Variants in IREB2 observed in about 807,000 individuals in gnomAD.
IREB2 encodes iron-responsive element-binding protein 2.
IREB2 carries 39 observed loss-of-function variants against 118.8 expected under a neutral mutation model. The observed-to-expected ratio is 0.33, with a 90% CI of 0.25 to 0.43. IREB2 has a LOEUF of 0.43. Ranked by LOEUF, IREB2 falls within the 20% of genes least tolerant of loss-of-function variation. The pLI is 1.00. For synonymous variants in IREB2, 372 were observed against 392.2 expected, an observed-to-expected ratio of 0.95 and a Z score of 0.61; for missense variants, 900 against 1,147.3, an observed-to-expected ratio of 0.78 and a Z score of 3.11.
At chr15:78,488,074 T>G in intron 14 of IREB2, 106 bp from the exon 15 acceptor site, 1 of 1,019,200 alleles carries the variant, frequency 9.8e-7, no homozygotes, top group Non-Finnish European at 1.4e-6. Flanking sequence ...ATATGTTTTT[T>G]GGTTAATCTC....
chr15:78,438,289 T>G lies in IREB2; in HGVS notation c.-49T>G. On this transcript the variant is annotated 5_prime_UTR_variant, in exon 1 of 22. Coordinates refer to ENST00000258886, the MANE Select transcript of IREB2 (RefSeq NM_004136.4). ...CCGTCTTCCCTGCCCGGCCTCCCCC[T>G]TCTTCCCCCGCTGGCCCCCTCCCCG... 4 of 1,372,664 alleles carry G rather than the reference T, an allele frequency of 2.9e-6. No individual in the cohort carries two copies. The highest frequency in any genetic ancestry group is 3.0e-6 in the Non-Finnish European group (3 of 984,280). The allele number at this position is 1,372,664 out of a possible 1,614,324, so 85.0% of individuals were successfully genotyped here.
Position 78,494,390 on chromosome 15 carries a change from G to A in IREB2, c.2595+126G>A, listed in dbSNP as rs536076227. 1.2e-4 allele frequency: 107 copies of A among 915,314 alleles called. No homozygotes were observed. The African/African-American group carries it at 1.6e-3, about 13-fold the overall frequency. The allele number at this position is 915,314 out of a possible 1,614,324, so 56.7% of individuals were successfully genotyped here. ...TATTTGAACCTTATAGGTATAGAGG[G>A]TTTTGTTTGTTTGTTTATTTCAGTG... On this transcript the variant is annotated intron_variant, in intron 20 of 21. Transcript: ENST00000258886.
At chr15:78,483,283 C>G in intron 10 of IREB2, 35 bp from the exon 11 acceptor site, 3 of 983,516 alleles carry the variant, frequency 3.1e-6, no homozygotes, top group Non-Finnish European at 3.3e-6. Context: ...GGAATTAATT[C>G]TAATTCCTTG....
chr15:78,475,017 T>G (rs2051443360), intron 8 of IREB2: 1 of 131,022 alleles, frequency 7.6e-6, no homozygotes, highest in Admixed American at 9.3e-5. Context: ...ATTGCGCCAC[T>G]GCAGTCCGCA....
At chr15:78,438,186 C>G, upstream of IREB2, 1 of 633,134 alleles carries the variant, frequency 1.6e-6, no homozygotes, top group Non-Finnish European at 2.9e-6. Flanking sequence ...AGACCCGGGG[C>G]TGGCTCTGCT....
At chr15:78,458,836 G>T (rs1366445686) in intron 2 of IREB2, among the ~76,000 whole-genome samples, 1 of 152,170 alleles carries the variant, frequency 6.6e-6, no homozygotes, top group Non-Finnish European at 1.5e-5. Flanking sequence ...TTGAGACAGG[G>T]TCTCACTCCC....
Position 78,485,721 on chromosome 15 carries a change from G to A in IREB2, c.1590G>A (p.Lys530=), listed in dbSNP as rs2141514655. The A allele has an allele frequency of 6.2e-7, 1 of 1,613,460 alleles. No individual in the cohort carries two copies. Among genetic ancestry groups the A allele is most frequent in the Non-Finnish European group, 8.5e-7 (1 of 1,179,720 alleles). Residue 530 remains lysine, a synonymous_variant, in exon 13 of 22, where the codon AAG becomes AAA. Transcript: ENST00000258886. Reference sequence around the variant, plus strand: ...GCTGTGCAGGTCTTTTGGCTAAAAAGGCTGTTGAAGCTGGTCTGCGTGTTA... The same window carrying A: ...GCTGTGCAGGTCTTTTGGCTAAAAAAGCTGTTGAAGCTGGTCTGCGTGTTA... ...VMLAAGLLAK[K]AVEAGLRVKP... is the part of the protein sequence containing the mutation.
rs751847226 is a variant in IREB2 at position 78,478,349 on chromosome 15, A to G, written c.1248A>G (p.Lys416=). 2 of 1,613,796 alleles carry G rather than the reference A, an allele frequency of 1.2e-6. No homozygotes were observed. Among genetic ancestry groups the G allele is most frequent in the South Asian group, 1.1e-5 (1 of 91,048 alleles). ...ESMETYLKAV[K]LFRNDQNSSG... Reference sequence around the variant, plus strand: ...TGGAAACATACCTTAAAGCTGTGAAATTGTTTCGAAATGACCAGAATTCTT... The same window carrying G: ...TGGAAACATACCTTAAAGCTGTGAAGTTGTTTCGAAATGACCAGAATTCTT... The change falls in exon 10 of 22, where the codon AAA becomes AAG. Residue 416 remains lysine (K), a synonymous_variant. Transcript: ENST00000258886.
chr15:78,454,294 G>A (rs1307349931), intron 2 of IREB2, among the ~76,000 whole-genome samples: 1 of 152,162 alleles, frequency 6.6e-6, no homozygotes, highest in African/African-American at 2.4e-5. Context: ...GTCCTGCAGT[G>A]GGTGAATGAA....
At chr15:78,466,619 T>C in intron 5 of IREB2, 130 bp downstream of exon 5, 1 of 641,548 alleles carries the variant, frequency 1.6e-6, no homozygotes, top group Non-Finnish European at 2.7e-6. Context: ...TGAATTTTTA[T>C]ATGTATTTCC....
chr15:78,466,583 G>A, intron 5 of IREB2, 94 bp downstream of exon 5: 1 of 806,336 alleles, frequency 1.2e-6, no homozygotes. Context: ...TTACTATTAT[G>A]TTACCTTCAC....
chr15:78,458,511 A>C (rs1196140617), intron 2 of IREB2, among the ~76,000 whole-genome samples: 1 of 151,934 alleles, frequency 6.6e-6, no homozygotes, highest in Non-Finnish European at 1.5e-5. Context: ...CCTCACCTCA[A>C]ATGATCCTCC....
intron 13 of IREB2, 135 bp downstream of exon 13, chr15:78,485,975 A>G (rs559608785): frequency 1.3e-5 from 10 of 742,756 alleles, no homozygotes; most frequent in South Asian, 6.0e-5. Flanking sequence ...TGCCATTACC[A>G]TACAATTTTT....
chr15:78,455,696 G>A (rs2051094614), intron 2 of IREB2, among the ~76,000 whole-genome samples: 1 of 152,174 alleles, frequency 6.6e-6, no homozygotes, highest in Admixed American at 6.5e-5. Flanking sequence ...AGGGTTAAAT[G>A]GAATAATTTA....
chr15:78,459,736 G>GTCC (rs1264916650), intron 2 of IREB2, among the ~76,000 whole-genome samples: 2 of 152,204 alleles, frequency 1.3e-5, no homozygotes, highest in African/African-American at 2.4e-5. Context: ...TGTTGAAACA[G>GTCC]TATCCAAATA....
Position 78,462,970 on chromosome 15 carries a change from A to G in IREB2, c.155A>G (p.Asn52Ser), listed in dbSNP as rs1392850009. The G allele has an allele frequency of 1.2e-6, 2 of 1,613,306 alleles. No homozygotes were observed. The highest frequency in any genetic ancestry group is 1.7e-6 in the Non-Finnish European group (2 of 1,179,750). The change falls in exon 3 of 22, where the codon AAT (asparagine) becomes AGT (serine). Residue 52 changes from asparagine to serine, a missense_variant. Asn to Ser is a conservative substitution (Grantham distance 46). Transcript: ENST00000258886. The part of the protein sequence containing the change: ...IRVLLEAAVR[N>S]CDGFLMKKED... ...GTCTTGTTGGAAGCTGCTGTACGAA[A>G]TTGTGATGGCTTTTTAATGAAGAAG...
chr15:78,447,869 A>G (rs1182613979), intron 2 of IREB2, among the ~76,000 whole-genome samples: 1 of 152,158 alleles, frequency 6.6e-6, no homozygotes, highest in Non-Finnish European at 1.5e-5. Flanking sequence ...TGGACATGAC[A>G]TTTGTGCTTG....
intron 18 of IREB2, among the ~76,000 whole-genome samples, chr15:78,492,648 C>T (rs910992842): frequency 6.6e-6 from 1 of 152,114 alleles, no homozygotes; most frequent in Non-Finnish European, 1.5e-5. Context: ...CTGCTTGGAA[C>T]TCGTGGGCTC....
chr15:78,449,176 C>T (rs2050981185), intron 2 of IREB2, among the ~76,000 whole-genome samples: 1 of 152,092 alleles, frequency 6.6e-6, no homozygotes. Context: ...CTTTCCAATA[C>T]CATTCTGTTT....
Sources: allele counts gnomAD v4.1 joint callset (sites outside exome capture counted in the v4.1 genomes callset), GRCh38; gene constraint gnomAD v4.1.1; transcripts MANE v1.5; gene names NCBI Gene and HGNC (gene_info 2026-07-23, HGNC 2026-07-21).